The following ETV6 variants were observed in gnomAD, a reference collection of about 807,000 sequenced individuals.
The protein encoded by ETV6 is transcription factor ETV6.
In ETV6, 16 loss-of-function variants were observed where a neutral mutation model predicts 51.1. That is an observed-to-expected ratio of 0.31 (90% CI 0.21 to 0.48). The LOEUF is 0.48. Among genes scored for constraint, ETV6 ranks in the 20% least tolerant of loss-of-function variants. The pLI is 0.99. For synonymous variants in ETV6, 240 were observed against 224.1 expected (o/e 1.07, Z -0.64); for missense variants, 458 against 594.8 (o/e 0.77, Z 2.39).
chr12:11,675,461 A>C (rs1864405933), intron 1 of ETV6, among the ~76,000 whole-genome samples: 1 of 152,220 alleles, frequency 6.6e-6, no homozygotes, highest in South Asian at 2.1e-4. Context: ...TAGTTAGCAC[A>C]TATTGTACAT....
intron 2 of ETV6, among the ~76,000 whole-genome samples, chr12:11,812,339 A>G (rs1039578284): frequency 6.6e-4 from 101 of 152,302 alleles, no homozygotes; most frequent in African/African-American, 2.2e-3. Context: ...CTAGATCACA[A>G]TAAGCAGCTG....
At chr12:11,879,017 G>A (rs1398702358) in intron 5 of ETV6, among the ~76,000 whole-genome samples, 1 of 152,088 alleles carries the variant, frequency 6.6e-6, no homozygotes, top group Non-Finnish European at 1.5e-5. Context: ...CTGCACCCCA[G>A]TGTGACAACC....
intron 2 of ETV6, among the ~76,000 whole-genome samples, chr12:11,788,343 G>A (rs547139991): frequency 6.6e-6 from 1 of 152,156 alleles, no homozygotes; most frequent in South Asian, 2.1e-4. Context: ...CCCCTCCACA[G>A]TGTGTAACCA....
chr12:11,893,485 G>A lies in ETV6; in HGVS notation c.*2439G>A, dbSNP rs751607458. ...CCTTCAGCCACTTGAAGAAGAAATA[G>A]AAGGCGCTCATTCCAATATAGTCTT... On this transcript the variant is annotated 3_prime_UTR_variant, in exon 8 of 8. Coordinates refer to ENST00000396373, the MANE Select transcript of ETV6 (RefSeq NM_001987.5). 1.3e-5 allele frequency: 3 copies of A among 231,750 alleles called. No individual in the cohort carries two copies. Among genetic ancestry groups the A allele is most frequent in the Non-Finnish European group, 2.6e-5 (3 of 117,300 alleles). 14.4% of individuals were successfully genotyped at this position (231,750 alleles called of 1,614,324 possible). A position where few individuals can be genotyped will look rare whatever the true frequency, so the allele number is the denominator to read the frequency against.
At position 11,894,497 on chromosome 12, in the gene ETV6, T is replaced by C. The variant is rs1019493480; in HGVS notation, c.*3451T>C. 5 of 233,084 alleles carry C rather than the reference T, an allele frequency of 2.1e-5. No individual in the cohort carries two copies. The Admixed American group carries it at 2.3e-4, about 10-fold the overall frequency. The allele number at this position is 233,084 out of a possible 1,614,324, so 14.4% of individuals were successfully genotyped here. ...CAAATCCTTTAGGGAGATGAGGGTATCCCCACAGAAAAAGAGGAATAATAG... is the reference window on the plus strand; with the variant it reads ...CAAATCCTTTAGGGAGATGAGGGTACCCCCACAGAAAAAGAGGAATAATAG... On this transcript the variant is annotated 3_prime_UTR_variant, in exon 8 of 8. Coordinates refer to ENST00000396373, the MANE Select transcript of ETV6 (RefSeq NM_001987.5).
intron 1 of ETV6, among the ~76,000 whole-genome samples, chr12:11,658,354 GCCT>G (rs1476163487): frequency 6.6e-6 from 1 of 152,202 alleles, no homozygotes; most frequent in Non-Finnish European, 1.5e-5. Flanking sequence ...TGCTGCCTCA[GCCT>G]CCTGAGTAGC....
chr12:11,780,995 A>G (rs573423284), intron 2 of ETV6, among the ~76,000 whole-genome samples: 1 of 152,346 alleles, frequency 6.6e-6, no homozygotes, highest in South Asian at 2.1e-4. Flanking sequence ...TACAGGTACA[A>G]GATGTTAGCA....
chr12:11,721,034 G>C (rs1865375119), intron 1 of ETV6, among the ~76,000 whole-genome samples: 1 of 152,156 alleles, frequency 6.6e-6, no homozygotes, highest in South Asian at 2.1e-4. Flanking sequence ...TCTCACACCA[G>C]TCAGAATGCT....
chr12:11,880,285 G>C (rs1424436991), intron 5 of ETV6, among the ~76,000 whole-genome samples: 1 of 152,206 alleles, frequency 6.6e-6, no homozygotes, highest in Non-Finnish European at 1.5e-5. Flanking sequence ...TGGATTAAAT[G>C]TCATTTAAAA....
intron 2 of ETV6, among the ~76,000 whole-genome samples, chr12:11,760,878 ATG>A (rs59373097): frequency 0.52 from 77,662 of 148,316 alleles, 23,153 homozygotes; most frequent in Admixed American, 0.7. Context: ...TATTATATAT[ATG>A]TGTGTGTGTG....
At chr12:11,872,692 C>T (rs568925162) in intron 5 of ETV6, among the ~76,000 whole-genome samples, 18 of 152,176 alleles carry the variant, frequency 1.2e-4, no homozygotes, top group South Asian at 4.2e-4. Context: ...GACGGGGTTT[C>T]ACCGTGTTGG....
rs759690352 is a variant in ETV6 at position 11,650,491 on chromosome 12, AAAAACAAAAAAC to A, written c.33+336_33+347del. Among the ~76,000 whole-genome samples, 21 of 63,576 alleles carry A rather than the reference AAAAACAAAAAAC, an allele frequency of 3.3e-4. 1 individual carries two copies. The South Asian group carries it at 4.0e-3, about 12-fold the overall frequency. 41.7% of individuals were successfully genotyped at this position (63,576 alleles called of 152,430 possible). A position where few individuals can be genotyped will look rare whatever the true frequency, so the allele number is the denominator to read the frequency against. On this transcript the variant is annotated intron_variant, in intron 1 of 7. Coordinates refer to ENST00000396373, the MANE Select transcript of ETV6 (RefSeq NM_001987.5). ...CGTAATTAGTGCGCTTAAAAAAAAAAAAAACAAAAAACAAAAAAAAAAAACCTGCTCCCTATT... is the reference window on the plus strand; with the variant it reads ...CGTAATTAGTGCGCTTAAAAAAAAAAAAAAAAAAAAAACCTGCTCCCTATT...
At chr12:11,814,082 G>A (rs1945955042) in intron 2 of ETV6, among the ~76,000 whole-genome samples, 1 of 152,122 alleles carries the variant, frequency 6.6e-6, no homozygotes, top group Non-Finnish European at 1.5e-5. Context: ...GAATTGCAAA[G>A]CTATTATTAA....
intron 2 of ETV6, among the ~76,000 whole-genome samples, chr12:11,808,105 A>AT (rs1316696751): frequency 6.6e-6 from 1 of 152,186 alleles, no homozygotes; most frequent in African/African-American, 2.4e-5. Flanking sequence ...AATGTAAGTC[A>AT]TTTTTTGCCA....
chr12:11,747,359 C>T (rs918544615), intron 1 of ETV6, among the ~76,000 whole-genome samples: 15 of 152,116 alleles, frequency 9.9e-5, no homozygotes, highest in Non-Finnish European at 1.2e-4. Flanking sequence ...CCAGCTTGGG[C>T]CCCTATACCA....
At chr12:11,794,892 T>G (rs1004889427) in intron 2 of ETV6, among the ~76,000 whole-genome samples, 1 of 152,240 alleles carries the variant, frequency 6.6e-6, no homozygotes, top group African/African-American at 2.4e-5. Context: ...AAGAACCATG[T>G]CCTCTACTTC....
intron 1 of ETV6, among the ~76,000 whole-genome samples, chr12:11,651,810 C>T (rs768732975): frequency 7.2e-5 from 11 of 152,158 alleles, no homozygotes; most frequent in Non-Finnish European, 1.6e-4. Context: ...GGAAAATCTG[C>T]CAACTACAGA....
chr12:11,718,248 C>A (rs981209599), intron 1 of ETV6, among the ~76,000 whole-genome samples: 1 of 152,102 alleles, frequency 6.6e-6, no homozygotes, highest in African/African-American at 2.4e-5. Context: ...CTGTGCTGAG[C>A]AGCCCCCACA....
rs768857324 is a variant in ETV6, at chr12:11,869,690, C to G, written c.730C>G (p.His244Asp). 1.2e-6 allele frequency: 2 copies of G among 1,614,172 alleles called. No individual in the cohort carries two copies. Among genetic ancestry groups the G allele is most frequent in the South Asian group, 2.2e-5 (2 of 91,076 alleles). ...GTCAGTGTCTCCCATGGAGAATAATCACTGCCCAGCGTCCTCCGAGTCCCA... is the reference window on the plus strand; with the variant it reads ...GTCAGTGTCTCCCATGGAGAATAATGACTGCCCAGCGTCCTCCGAGTCCCA... ...PLSVSPMENN[H>D]CPASSESHPK... is the part of the protein sequence containing the mutation. The change falls in exon 5 of 8, where the codon CAC (histidine) becomes GAC (aspartate). Residue 244 changes from histidine (H) to aspartate (D), a missense_variant. Transcript: ENST00000396373. This position sits in a 1 kb window ranked among gnomAD's most constrained non-coding sequence, Gnocchi z 5.0.
Sources: allele counts gnomAD v4.1 joint callset (sites outside exome capture counted in the v4.1 genomes callset), GRCh38; gene constraint gnomAD v4.1.1; non-coding constraint Gnocchi (gnomAD v3.1); transcripts MANE v1.5; gene names NCBI Gene and HGNC (gene_info 2026-07-23, HGNC 2026-07-21).